Variants in ARHGEF4 observed in about 807,000 individuals in gnomAD.
The protein encoded by ARHGEF4 is APC-stimulated guanine nucleotide exchange factor 1.
ARHGEF4 carries 119 observed loss-of-function variants against 162.0 expected under a neutral mutation model. The ratio of observed to expected loss-of-function variants is 0.73; its 90% confidence interval spans 0.63 to 0.86. ARHGEF4 has a LOEUF of 0.86. Among genes scored for constraint, ARHGEF4 ranks in the 40% least tolerant of loss-of-function variants. The pLI is 0.00. For synonymous variants in ARHGEF4, 1,014 were observed against 979.9 expected (o/e 1.03, Z -0.65); for missense variants, 2,488 against 2,456.0 (o/e 1.01, Z -0.28).
At chr2:130,904,993 C>T (rs982302428) in intron 1 of ARHGEF4, among the ~76,000 whole-genome samples, 3 of 152,200 alleles carry the variant, frequency 2.0e-5, no homozygotes, top group South Asian at 2.1e-4. Flanking sequence ...GCACGAGAAT[C>T]GCTTGAACAT....
intron 4 of ARHGEF4, among the ~76,000 whole-genome samples, chr2:130,959,950 C>T (rs1684534257): frequency 6.6e-6 from 1 of 152,198 alleles, no homozygotes. Flanking sequence ...CATTGACCAC[C>T]TTCACATCAT....
chr2:130,937,200 T>C (rs988829692), intron 3 of ARHGEF4, among the ~76,000 whole-genome samples: 4 of 152,012 alleles, frequency 2.6e-5, no homozygotes, highest in Admixed American at 6.6e-5. Context: ...TGTGAGCCAC[T>C]GTGTCTGGGC....
intron 1 of ARHGEF4, among the ~76,000 whole-genome samples, chr2:130,853,984 C>T (rs1681590938): frequency 6.6e-6 from 1 of 152,174 alleles, no homozygotes. Context: ...GGAGAGAGGT[C>T]TTAGTCCTCT....
chr2:130,917,640 C>G (rs551088136), intron 2 of ARHGEF4, 142 bp downstream of exon 2: 19 of 1,110,022 alleles, frequency 1.7e-5, no homozygotes, highest in African/African-American at 3.2e-5. Flanking sequence ...AGCCGCCCCC[C>G]CTCCCCCAGT....
intron 4 of ARHGEF4, among the ~76,000 whole-genome samples, chr2:130,988,708 T>A (rs1686685472): frequency 6.6e-6 from 1 of 152,138 alleles, no homozygotes; most frequent in Non-Finnish European, 1.5e-5. Flanking sequence ...AACAATATTA[T>A]TTTCATGGCT....
At chr2:130,993,477 T>G (rs1423991239) in intron 4 of ARHGEF4, among the ~76,000 whole-genome samples, 3 of 152,144 alleles carry the variant, frequency 2.0e-5, no homozygotes, top group Non-Finnish European at 4.4e-5. Flanking sequence ...GAATTTCATT[T>G]AGGTCAAATC....
chr2:130,893,195 C>T (rs1679960304), intron 1 of ARHGEF4, among the ~76,000 whole-genome samples: 1 of 152,196 alleles, frequency 6.6e-6, no homozygotes, highest in Non-Finnish European at 1.5e-5. Flanking sequence ...TCCACTGTAC[C>T]TTCTCTTTCT....
At chr2:130,890,428 G>A (rs1432626722) in intron 1 of ARHGEF4, among the ~76,000 whole-genome samples, 1 of 152,128 alleles carries the variant, frequency 6.6e-6, no homozygotes, top group Non-Finnish European at 1.5e-5. Flanking sequence ...CAGGTGTGGT[G>A]GCGGGTGCCT....
intron 4 of ARHGEF4, among the ~76,000 whole-genome samples, chr2:130,967,104 T>C (rs1462533894): frequency 6.6e-6 from 1 of 152,236 alleles, no homozygotes; most frequent in Non-Finnish European, 1.5e-5. Flanking sequence ...TGCTTGTGAC[T>C]GGATAGCAGC....
At chr2:130,984,205 C>A (rs1686313265) in intron 4 of ARHGEF4, among the ~76,000 whole-genome samples, 2 of 152,086 alleles carry the variant, frequency 1.3e-5, no homozygotes, top group Admixed American at 1.3e-4. Context: ...TTCAAAGGCC[C>A]AACCTCCCCA....
intron 2 of ARHGEF4, among the ~76,000 whole-genome samples, chr2:130,925,450 C>T (rs1363309365): frequency 2.6e-5 from 4 of 152,182 alleles, no homozygotes; most frequent in African/African-American, 9.7e-5. Context: ...CGACCTAAAT[C>T]TCACAGTTTA....
rs1038956935 is a variant in ARHGEF4 at position 130,915,388 on chromosome 2, G to A, written c.1442G>A (p.Arg481Lys). The A allele has an allele frequency of 2.9e-5, 45 of 1,550,536 alleles. No individual in the cohort carries two copies. Among genetic ancestry groups the A allele is most frequent in the Admixed American group, 1.6e-4 (8 of 50,984 alleles). Reference protein sequence around the residue: ...QEPQGTQLAPRAADERETQKH... With the variant: ...QEPQGTQLAPKAADERETQKH... ...CCCCAAGGCACCCAACTCGCACCAA[G>A]AGCTGCTGATGAGAGAGAGACACAG... The change falls in exon 2 of 14, where the codon AGA (arginine) becomes AAA (lysine). Residue 481 changes from arginine to lysine, a missense_variant. Arg to Lys is a conservative substitution (Grantham distance 26). Coordinates refer to ENST00000409359, the MANE Select transcript of ARHGEF4 (RefSeq NM_001367493.1).
intron 4 of ARHGEF4, among the ~76,000 whole-genome samples, chr2:130,998,775 A>G (rs1483023012): frequency 6.6e-6 from 1 of 152,246 alleles, no homozygotes; most frequent in Non-Finnish European, 1.5e-5. Context: ...GCTGCTATAA[A>G]CATTTGTGTA....
At chr2:130,991,606 G>T (rs186080039) in intron 4 of ARHGEF4, among the ~76,000 whole-genome samples, 2,322 of 152,346 alleles carry the variant, frequency 0.015, 21 homozygotes, top group Non-Finnish European at 0.026. Flanking sequence ...GCTGCAGAGG[G>T]TGTACTGGGT....
At chr2:131,031,546 G>T (rs1171088478) in intron 5 of ARHGEF4, among the ~76,000 whole-genome samples, 6 of 152,246 alleles carry the variant, frequency 3.9e-5, no homozygotes, top group African/African-American at 1.4e-4. Context: ...GTGTCTGTGT[G>T]GGCCCCTGCA....
chr2:130,908,291 A>G (rs868808053), intron 1 of ARHGEF4, among the ~76,000 whole-genome samples: 1 of 152,210 alleles, frequency 6.6e-6, no homozygotes, highest in African/African-American at 2.4e-5. Flanking sequence ...TGGTTTTTCT[A>G]CATTGATTTT....
intron 4 of ARHGEF4, among the ~76,000 whole-genome samples, chr2:130,981,667 A>AG (rs1686129377): frequency 6.6e-6 from 1 of 151,796 alleles, no homozygotes; most frequent in Non-Finnish European, 1.5e-5. Context: ...CAAAAAAAAA[A>AG]AAAAAGAAAA....
intron 4 of ARHGEF4, among the ~76,000 whole-genome samples, chr2:130,947,500 C>T (rs1397068929): frequency 6.6e-6 from 1 of 152,312 alleles, no homozygotes; most frequent in African/African-American, 2.4e-5. Flanking sequence ...GGATGTATAA[C>T]TTCCAGGAGA....
chr2:131,030,896 A>T (rs925165450), intron 5 of ARHGEF4, among the ~76,000 whole-genome samples: 6 of 152,206 alleles, frequency 3.9e-5, no homozygotes, highest in African/African-American at 1.4e-4. Context: ...AAAGATAAGA[A>T]GTGATTGTCC....
Sources: allele counts gnomAD v4.1 joint callset (sites outside exome capture counted in the v4.1 genomes callset), GRCh38; gene constraint gnomAD v4.1.1; transcripts MANE v1.5; gene names NCBI Gene and HGNC (gene_info 2026-07-23, HGNC 2026-07-21).